The following GRID1 variants were observed in gnomAD, a reference collection of about 807,000 sequenced individuals.
The protein encoded by GRID1 is glutamate receptor ionotropic, delta-1.
GRID1 carries 28 observed loss-of-function variants against 98.0 expected under a neutral mutation model. The ratio of observed to expected loss-of-function variants is 0.29; its 90% CI spans 0.21 to 0.39. The LOEUF is 0.39. Ranked by LOEUF, GRID1 falls within the 10% of genes least tolerant of loss-of-function variation. The pLI, the probability that GRID1 is intolerant of heterozygous loss-of-function variation, is 1.00. For synonymous variants in GRID1, 553 were observed against 538.5 expected (o/e 1.03, Z -0.37); for missense variants, 1,111 against 1,340.5 (o/e 0.83, Z 2.67).
chr10:86,221,704 G>A (rs566555650), intron 2 of GRID1, among the ~76,000 whole-genome samples: 4 of 152,310 alleles, frequency 2.6e-5, no homozygotes, highest in South Asian at 2.1e-4. Flanking sequence ...GTTGGGTGAC[G>A]GCTGTTAGGA....
chr10:85,769,148 G>C (rs1458876804), intron 8 of GRID1, among the ~76,000 whole-genome samples: 1 of 152,192 alleles, frequency 6.6e-6, no homozygotes, highest in Non-Finnish European at 1.5e-5. Context: ...AAGAAAAATG[G>C]TGAAGAGGCC....
chr10:86,038,259 C>G (rs1037420735), intron 4 of GRID1, among the ~76,000 whole-genome samples: 1 of 152,152 alleles, frequency 6.6e-6, no homozygotes, highest in Non-Finnish European at 1.5e-5. Flanking sequence ...CAGTTTCAAG[C>G]TATCAGTGTA....
At chr10:86,304,210 G>A (rs1230558831) in intron 2 of GRID1, among the ~76,000 whole-genome samples, 8 of 152,154 alleles carry the variant, frequency 5.3e-5, no homozygotes, top group Non-Finnish European at 7.4e-5. Context: ...TCTGCCCCTC[G>A]GCTCACTGTG....
At chr10:85,822,793 G>A (rs1397146066) in intron 8 of GRID1, among the ~76,000 whole-genome samples, 1 of 152,114 alleles carries the variant, frequency 6.6e-6, no homozygotes, top group Non-Finnish European at 1.5e-5. Context: ...CAACCCAAAT[G>A]TCCAACAATG....
intron 8 of GRID1, among the ~76,000 whole-genome samples, chr10:85,757,876 G>A (rs898734133): frequency 3.9e-5 from 6 of 152,336 alleles, no homozygotes; most frequent in African/African-American, 1.4e-4. Flanking sequence ...AGTAAATATT[G>A]CAGCATGCTG....
At chr10:85,969,075 A>C (rs1842374568) in intron 4 of GRID1, among the ~76,000 whole-genome samples, 1 of 152,240 alleles carries the variant, frequency 6.6e-6, no homozygotes, top group Non-Finnish European at 1.5e-5. Flanking sequence ...ACTTTAAGAC[A>C]AAAGTGCTAT....
intron 2 of GRID1, among the ~76,000 whole-genome samples, chr10:86,306,155 G>A (rs1847756352): frequency 6.6e-6 from 1 of 152,214 alleles, no homozygotes; most frequent in South Asian, 2.1e-4. Flanking sequence ...AAGGCTTTGG[G>A]CAAACAAGTG....
At chr10:85,926,635 C>T (rs558543627) in intron 4 of GRID1, among the ~76,000 whole-genome samples, 2 of 152,252 alleles carry the variant, frequency 1.3e-5, no homozygotes, top group South Asian at 4.1e-4. Flanking sequence ...GGCCCACCTG[C>T]CCAACGCCCA....
chr10:85,695,745 A>G (rs1023621883), intron 12 of GRID1, among the ~76,000 whole-genome samples: 1 of 152,218 alleles, frequency 6.6e-6, no homozygotes. Flanking sequence ...TCTAAAAATA[A>G]ATAAGAAAAA....
chr10:86,247,991 C>T (rs1055058355), intron 2 of GRID1, among the ~76,000 whole-genome samples: 4 of 152,238 alleles, frequency 2.6e-5, no homozygotes, highest in Non-Finnish European at 4.4e-5. Flanking sequence ...CCAGATCCCC[C>T]CACAACCTCC....
intron 8 of GRID1, among the ~76,000 whole-genome samples, chr10:85,731,507 C>G (rs888699651): frequency 6.6e-5 from 10 of 150,664 alleles, no homozygotes; most frequent in Non-Finnish European, 1.5e-4. Context: ...CTCCATTGGA[C>G]CTTAAAAAAT....
chr10:85,742,016 T>A (rs1181249523), intron 8 of GRID1, among the ~76,000 whole-genome samples: 1 of 152,220 alleles, frequency 6.6e-6, no homozygotes, highest in Non-Finnish European at 1.5e-5. Flanking sequence ...TCAGGTTCAA[T>A]CTTCCTAAGT....
chr10:85,788,158 G>A (rs1842447219), intron 8 of GRID1, among the ~76,000 whole-genome samples: 1 of 152,050 alleles, frequency 6.6e-6, no homozygotes, highest in South Asian at 2.1e-4. Context: ...GCTGATGAAT[G>A]AGGGGGAAAA....
chr10:86,341,713 T>C (rs565971516), intron 2 of GRID1, among the ~76,000 whole-genome samples: 4 of 152,244 alleles, frequency 2.6e-5, no homozygotes, highest in Non-Finnish European at 5.9e-5. Flanking sequence ...GGCAGTGGGG[T>C]AGACGCACAG....
At chr10:86,026,541 C>G (rs1376109510) in intron 4 of GRID1, among the ~76,000 whole-genome samples, 7 of 152,166 alleles carry the variant, frequency 4.6e-5, no homozygotes, top group Non-Finnish European at 7.3e-5. Flanking sequence ...TGCTGGCTGT[C>G]AAAGAGAAAG....
intron 12 of GRID1, among the ~76,000 whole-genome samples, chr10:85,688,567 G>A (rs1210433435): frequency 1.3e-5 from 2 of 152,190 alleles, no homozygotes; most frequent in African/African-American, 4.8e-5. Context: ...CTATCTAGGT[G>A]TGTGAACACC....
chr10:85,636,447 A>G lies in GRID1; in HGVS notation c.2193+10755T>C, dbSNP rs551019683. On this transcript the variant is annotated intron_variant, in intron 13 of 15. Coordinates refer to ENST00000327946, the MANE Select transcript of GRID1 (RefSeq NM_017551.3). ...ATTTACATGTCCATCACTTCTGATT[A>G]TTGAACAACCACAGACCGCTAAACA... Among the ~76,000 whole-genome samples the G allele has an allele frequency of 5.3e-5, 8 of 152,358 alleles. No homozygotes were observed. In the South Asian group the frequency reaches 1.7e-3, roughly 32 times the overall value.
intron 3 of GRID1, among the ~76,000 whole-genome samples, chr10:86,145,208 C>G (rs889921774): frequency 2.0e-5 from 3 of 152,158 alleles, no homozygotes; most frequent in Non-Finnish European, 4.4e-5. Flanking sequence ...TTTTGGGTAC[C>G]TAAGAGACTG....
At chr10:85,827,597 A>G (rs1842831515) in intron 8 of GRID1, among the ~76,000 whole-genome samples, 1 of 152,144 alleles carries the variant, frequency 6.6e-6, no homozygotes, top group South Asian at 2.1e-4. Flanking sequence ...GATACTGTCC[A>G]TGAAGGTATC....
Sources: gnomAD v4.1 joint callset for allele counts (sites outside exome capture counted in the v4.1 genomes callset) on GRCh38, gnomAD v4.1.1 for gene constraint, MANE v1.5 for transcripts, NCBI Gene and HGNC (gene_info 2026-07-23, HGNC 2026-07-21) for gene names.